PGAP2: variants seen among roughly 807,000 people sequenced by gnomAD.
PGAP2 encodes post-GPI attachment to proteins 2.
A neutral mutation model predicts 33.2 loss-of-function variants in PGAP2; 21 were observed. That is an observed-to-expected ratio of 0.63 (90% CI 0.45 to 0.91). The LOEUF (loss-of-function observed/expected upper bound fraction) is 0.91, where lower values mean the gene tolerates loss of function less well. PGAP2 is among the 40% of genes least tolerant of loss of function. The probability of loss-of-function intolerance (pLI) is 0.00; values close to 1 mark genes in which losing one functional copy is unlikely to be tolerated. For synonymous variants in PGAP2, 161 were observed against 172.9 expected (o/e 0.93, Z 0.54); for missense variants, 345 against 424.0 (o/e 0.81, Z 1.64).
chr11:3,815,412 G>A (rs570036649), intron 2 of PGAP2, among the ~76,000 whole-genome samples: 16 of 150,672 alleles, frequency 1.1e-4, no homozygotes, highest in African/African-American at 3.7e-4. Context: ...AGGTTCAAGC[G>A]ATTCTCCTGT....
Position 3,811,016 on chromosome 11 carries a change from G to C in PGAP2, c.-10-234G>C, listed in dbSNP as rs2085447475. Among the ~76,000 whole-genome samples the C allele has an allele frequency of 6.6e-6, 1 of 152,206 alleles. No individual in the cohort carries two copies. The highest frequency in any genetic ancestry group is 6.5e-5 in the Admixed American group (1 of 15,282). On this transcript the variant is annotated intron_variant, in intron 1 of 6. Coordinates refer to ENST00000278243, the MANE Select transcript of PGAP2 (RefSeq NM_014489.4). This position sits in a 1 kb window ranked among gnomAD's most constrained non-coding sequence, Gnocchi z 4.6. ...CCCAGTCCATTCAAGCTTTATCCTAGCACAGATTTGGTTCATTGTCTTCCC... is the reference window on the plus strand; with the variant it reads ...CCCAGTCCATTCAAGCTTTATCCTACCACAGATTTGGTTCATTGTCTTCCC...
At chr11:3,819,769 A>G (rs1316901969) in intron 3 of PGAP2, among the ~76,000 whole-genome samples, 1 of 152,000 alleles carries the variant, frequency 6.6e-6, no homozygotes, top group African/African-American at 2.4e-5. Flanking sequence ...GGTGCAGTCG[A>G]TGAGTGGGGA....
At chr11:3,804,319 A>G (rs1479380793), upstream of PGAP2, among the ~76,000 whole-genome samples, 6 of 152,102 alleles carry the variant, frequency 3.9e-5, no homozygotes, top group Admixed American at 2.0e-4. Flanking sequence ...TTTAATTGCT[A>G]TCTGAGTCAG....
chr11:3,805,596 C>T (rs1039592707), upstream of PGAP2, among the ~76,000 whole-genome samples: 36 of 147,082 alleles, frequency 2.4e-4, no homozygotes, highest in Admixed American at 2.0e-4. Context: ...AGGCTGGGCA[C>T]GGTGGCTCAT....
At chr11:3,797,776 C>T (rs2134035916), upstream of PGAP2, 2 of 1,534,558 alleles carry the variant, frequency 1.3e-6, no homozygotes, top group Non-Finnish European at 1.8e-6. Context: ...GGAGTCCCGC[C>T]CCTCGCCGCC....
chr11:3,820,594 A>G (rs536017960), intron 3 of PGAP2, among the ~76,000 whole-genome samples: 10 of 152,032 alleles, frequency 6.6e-5, no homozygotes, highest in Non-Finnish European at 1.3e-4. Flanking sequence ...TGGGAGGTGG[A>G]GTTTGCAATG....
At chr11:3,810,067 G>A (rs145667518) in intron 1 of PGAP2, among the ~76,000 whole-genome samples, 168 of 152,354 alleles carry the variant, frequency 1.1e-3, no homozygotes, top group African/African-American at 3.5e-3. Flanking sequence ...ACAAGCCAAC[G>A]TTCCAGGGAT....
chr11:3,805,423 AGCTAGTTTTCTGTATTTTTTGGTACAGAT>A (rs1197898352), upstream of PGAP2, among the ~76,000 whole-genome samples: 5 of 151,432 alleles, frequency 3.3e-5, no homozygotes, highest in Non-Finnish European at 5.9e-5. Context: ...CACCACACCC[AGCTAGTTTTCTGTATTTTTTGGTACAGAT>A]GCTGTTGCCA....
At chr11:3,798,075 G>A in intron 1 of PGAP2, 7 of 1,504,282 alleles carry the variant, frequency 4.7e-6, no homozygotes, top group Non-Finnish European at 6.2e-6. Flanking sequence ...CAGACCACGT[G>A]CGGAGCCTGA....
intron 3 of PGAP2, chr11:3,817,795 T>G: frequency 1.6e-6 from 1 of 617,180 alleles, no homozygotes; most frequent in South Asian, 1.5e-5. Flanking sequence ...ACCTGTAATC[T>G]CAGCACCTCG....
intron 1 of PGAP2, among the ~76,000 whole-genome samples, chr11:3,810,388 C>G (rs1281873004): frequency 7.2e-5 from 11 of 152,182 alleles, no homozygotes; most frequent in Non-Finnish European, 1.2e-4. Context: ...GATTCCTGCT[C>G]CAACTTTCCC....
intron 3 of PGAP2, chr11:3,823,521 G>A: frequency 7.4e-7 from 1 of 1,359,756 alleles, no homozygotes; most frequent in South Asian, 1.3e-5. Context: ...TGAATCTGAG[G>A]CCTTGGAACT....
intron 3 of PGAP2, 164 bp downstream of exon 3, chr11:3,817,699 G>T (rs1490430184): frequency 1.4e-6 from 1 of 707,510 alleles, no homozygotes; most frequent in Non-Finnish European, 2.6e-6. Flanking sequence ...CATGGGGGGA[G>T]ACTCAGAGAG....
At chr11:3,801,569 G>A (rs990146076) in intron 1 of PGAP2, among the ~76,000 whole-genome samples, 6 of 150,646 alleles carry the variant, frequency 4.0e-5, no homozygotes, top group African/African-American at 1.5e-4. Flanking sequence ...GTGAACCCAG[G>A]AGGCGGAGCT....
At chr11:3,809,634 T>A (rs753541997) in intron 1 of PGAP2, among the ~76,000 whole-genome samples, 1 of 151,970 alleles carries the variant, frequency 6.6e-6, no homozygotes, top group Non-Finnish European at 1.5e-5. Context: ...AACTGCAGAG[T>A]CTAGGTTTGG....
chr11:3,823,698 C>T (rs764259586), intron 3 of PGAP2, 185 bp from the exon 4 acceptor site: 25 of 1,586,664 alleles, frequency 1.6e-5, no homozygotes, highest in Admixed American at 1.4e-4. Context: ...GAGAATCCAG[C>T]ACTTTGGGCC....
chr11:3,825,032 T>C lies in PGAP2; in HGVS notation c.721T>C (p.Tyr241His). ...HTVSQEDRKS[Y>H]SWKQRLFIIN... ...GCCCATTCCCTAGGATCGCAAGTCCTACAGCTGGAAACAGCGGCTCTTCAT... is the reference window on the plus strand; with the variant it reads ...GCCCATTCCCTAGGATCGCAAGTCCCACAGCTGGAAACAGCGGCTCTTCAT... Residue 241 changes from tyrosine (Y) to histidine (H), a missense_variant, in exon 6 of 7, where the codon TAC becomes CAC. Physicochemically the swap from Tyr to His is moderately conservative, Grantham distance 83 (BLOSUM62 2). Coordinates refer to ENST00000278243, the MANE Select transcript of PGAP2 (RefSeq NM_014489.4). 2 of 1,614,204 alleles carry C rather than the reference T, an allele frequency of 1.2e-6. No individual in the cohort carries two copies. The highest frequency in any genetic ancestry group is 1.7e-6 in the Non-Finnish European group (2 of 1,180,028).
rs965232993 is a variant in PGAP2 at position 3,811,242 on chromosome 11, A to G, written c.-10-8A>G. 1 of 1,608,084 alleles carries G rather than the reference A, an allele frequency of 6.2e-7. No individual in the cohort carries two copies. Among genetic ancestry groups the G allele is most frequent in the East Asian group, 2.2e-5 (1 of 44,796 alleles). On this transcript the variant is annotated splice_polypyrimidine_tract_variant and splice_region_variant and intron_variant, in intron 1 of 6. Coordinates refer to ENST00000278243, the MANE Select transcript of PGAP2 (RefSeq NM_014489.4). The surrounding 1 kb of genome is among the most constrained non-coding windows in gnomAD (Gnocchi z 4.6). ...TGGGGCCCTGACAGCATGCCACTCC[A>G]TCCCCAGGTCTGACAAGATGTACCA... is the stretch of plus-strand genomic sequence containing the variant.
chr11:3,807,939 A>G (rs1201237231), upstream of PGAP2: 12 of 666,574 alleles, frequency 1.8e-5, no homozygotes, highest in Non-Finnish European at 2.2e-5. Context: ...TGGGGGATCA[A>G]TCCTCTCATT....
Sources: allele counts gnomAD v4.1 joint callset (sites outside exome capture counted in the v4.1 genomes callset), GRCh38; gene constraint gnomAD v4.1.1; non-coding constraint Gnocchi (gnomAD v3.1); transcripts MANE v1.5; gene names NCBI Gene and HGNC (gene_info 2026-07-23, HGNC 2026-07-21).